LEO1: variants seen among roughly 807,000 people sequenced by gnomAD.
LEO1 encodes the protein LEO1 component of Paf1/RNA polymerase II complex.
LEO1 carries 34 observed loss-of-function variants against 80.4 expected under a neutral mutation model. The observed-to-expected ratio is 0.42, with a 90% confidence interval of 0.32 to 0.56. LEO1 has a LOEUF of 0.56. Among genes scored for constraint, LEO1 ranks in the 20% least tolerant of loss-of-function variants. LEO1 has a pLI of 0.10. For synonymous variants in LEO1, 262 were observed against 274.9 expected, an observed-to-expected ratio of 0.95 and a Z score of 0.46; for missense variants, 631 against 814.2, an observed-to-expected ratio of 0.77 and a Z score of 2.74.
Position 51,947,342 on chromosome 15 carries a change from C to A in LEO1, c.1846G>T (p.Glu616Ter). 1.2e-6 allele frequency: 2 copies of A among 1,613,790 alleles called. No individual in the cohort carries two copies. The highest frequency in any genetic ancestry group is 1.7e-6 in the Non-Finnish European group (2 of 1,179,818). Residue 616 changes from glutamate to a stop codon, truncating the protein, a stop_gained, in exon 11 of 12, where the codon GAA becomes TAA. Transcript: ENST00000299601. LOFTEE classifies it high-confidence loss of function. ...YSSDSDEGSE[E>*]DKAQRLLKAK... The stretch of plus-strand genomic sequence containing the variant: ...TTGAGTAATCTTTGAGCTTTATCTT[C>A]TTCTGATCCCTCATCACTGTCTGAT...
chr15:51,942,572 A>C (rs567699290), intron 11 of LEO1, among the ~76,000 whole-genome samples: 1 of 152,344 alleles, frequency 6.6e-6, no homozygotes, highest in East Asian at 1.9e-4. Flanking sequence ...AGCACTGTAA[A>C]TGCATCATTA....
intron 11 of LEO1, among the ~76,000 whole-genome samples, chr15:51,942,140 C>T (rs1346025256): frequency 6.6e-6 from 1 of 152,154 alleles, no homozygotes; most frequent in Non-Finnish European, 1.5e-5. Context: ...CAGGAATGCT[C>T]CCATTCCTTA....
At chr15:51,943,699 CAAAA>C (rs5812577) in intron 11 of LEO1, among the ~76,000 whole-genome samples, 4 of 122,854 alleles carry the variant, frequency 3.3e-5, no homozygotes, top group African/African-American at 1.2e-4. Context: ...GACCCTGTCT[CAAAA>C]AAAAAAAGAA....
intron 10 of LEO1, among the ~76,000 whole-genome samples, chr15:51,949,567 G>A (rs1045170522): frequency 1.5e-4 from 23 of 151,998 alleles, no homozygotes; most frequent in South Asian, 2.1e-4. Flanking sequence ...AGGTGTGGTG[G>A]CGCACACCTG....
At chr15:51,946,545 G>A (rs1237424281) in intron 11 of LEO1, among the ~76,000 whole-genome samples, 2 of 151,710 alleles carry the variant, frequency 1.3e-5, no homozygotes, top group Non-Finnish European at 2.9e-5. Flanking sequence ...CCCAACATAA[G>A]AATGAAATCA....
chr15:51,958,617 A>C lies in LEO1; in HGVS notation c.1245+125T>G, dbSNP rs952037425. 2.5e-5 allele frequency: 16 copies of C among 639,258 alleles called. No individual in the cohort carries two copies. In the South Asian group the frequency reaches 2.9e-4, roughly 12 times the overall value. 39.6% of individuals were successfully genotyped at this position (639,258 alleles called of 1,614,324 possible). A position where few individuals can be genotyped will look rare whatever the true frequency, so the allele number is the denominator to read the frequency against. ...TTCCTAATAGTCAACAAAAGCAATC[A>C]AAAGAACACAGCCATATAGTGAAGT... On this transcript the variant is annotated intron_variant, in intron 6 of 11. Transcript: ENST00000299601.
At chr15:51,954,816 AAGCTT>A in intron 6 of LEO1, 1 of 477,102 alleles carries the variant, frequency 2.1e-6, no homozygotes, top group Non-Finnish European at 3.8e-6. Flanking sequence ...ATCATAGAGA[AAGCTT>A]AGAGCATTTG....
intron 5 of LEO1, 105 bp downstream of exon 5, chr15:51,959,794 A>C: frequency 9.2e-7 from 1 of 1,085,470 alleles, no homozygotes. Context: ...ATACACGATC[A>C]ATTTTCCGTT....
At chr15:51,940,254 C>CAAAAAA (rs745641318) in intron 11 of LEO1, among the ~76,000 whole-genome samples, 4 of 37,932 alleles carry the variant, frequency 1.1e-4, no homozygotes, top group African/African-American at 3.0e-4. Flanking sequence ...GACTCCGTAT[C>CAAAAAA]AAAAAAAAAA....
chr15:51,959,865 A>G (rs776253760), intron 5 of LEO1, 34 bp downstream of exon 5: 2 of 1,533,486 alleles, frequency 1.3e-6, no homozygotes, highest in South Asian at 1.3e-5. Context: ...ATTTCTACTC[A>G]ACATCCTGAA....
chr15:51,954,664 T>C, intron 6 of LEO1, 89 bp from the exon 7 acceptor site: 3 of 841,396 alleles, frequency 3.6e-6, no homozygotes, highest in South Asian at 2.8e-5. Flanking sequence ...AATCACAGAA[T>C]AAGCATACAG....
intron 11 of LEO1, among the ~76,000 whole-genome samples, chr15:51,945,667 C>T (rs925246783): frequency 2.6e-5 from 4 of 152,188 alleles, no homozygotes; most frequent in African/African-American, 7.2e-5. Flanking sequence ...TAGTATTTCA[C>T]TGGTATAATG....
chr15:51,959,616 T>G (rs964942498), intron 5 of LEO1, among the ~76,000 whole-genome samples: 2 of 152,234 alleles, frequency 1.3e-5, no homozygotes, highest in Non-Finnish European at 2.9e-5. Context: ...GCTTTCAATT[T>G]CAGCCTTTTC....
chr15:51,965,572 T>A (rs1323872644), intron 2 of LEO1, among the ~76,000 whole-genome samples, 177 bp downstream of exon 2: 1 of 152,144 alleles, frequency 6.6e-6, no homozygotes, highest in African/African-American at 2.4e-5. Flanking sequence ...TAAGAAAGAA[T>A]AAGTGGATTA....
At chr15:51,950,193 G>A (rs796761782) in intron 9 of LEO1, among the ~76,000 whole-genome samples, 199 bp from the exon 10 acceptor site, 80 of 152,286 alleles carry the variant, frequency 5.3e-4, no homozygotes, top group African/African-American at 1.7e-3. Context: ...AGGGTAAAGC[G>A]GCAGAAGGGA....
chr15:51,953,393 C>T, intron 7 of LEO1, 130 bp from the exon 8 acceptor site: 1 of 830,906 alleles, frequency 1.2e-6, no homozygotes, highest in Non-Finnish European at 1.9e-6. Flanking sequence ...GACACCAAGG[C>T]AGGTGGATCA....
At chr15:51,941,088 CAAATAAAT>C (rs71426099) in intron 11 of LEO1, among the ~76,000 whole-genome samples, 4 of 150,902 alleles carry the variant, frequency 2.7e-5, no homozygotes, top group Admixed American at 1.3e-4. Context: ...AACAAACAAA[CAAATAAAT>C]AAATAAATAA....
intron 11 of LEO1, among the ~76,000 whole-genome samples, chr15:51,942,973 C>T (rs1298089038): frequency 1.3e-5 from 2 of 150,994 alleles, no homozygotes; most frequent in Non-Finnish European, 2.9e-5. Context: ...TTGTCTAGTG[C>T]CAGGCACAGT....
At chr15:51,957,511 A>C (rs2056998853) in intron 6 of LEO1, among the ~76,000 whole-genome samples, 1 of 152,224 alleles carries the variant, frequency 6.6e-6, no homozygotes, top group African/African-American at 2.4e-5. Flanking sequence ...GATCTTGAAC[A>C]AATTATTAGC....
Sources: gnomAD v4.1 joint callset for allele counts (sites outside exome capture counted in the v4.1 genomes callset) on GRCh38, gnomAD v4.1.1 for gene constraint, MANE v1.5 for transcripts, NCBI Gene and HGNC (gene_info 2026-07-23, HGNC 2026-07-21) for gene names.